Variants in GULP1 observed in about 807,000 individuals in gnomAD.
The protein encoded by GULP1 is PTB domain-containing engulfment adapter protein 1.
A neutral mutation model predicts 40.9 loss-of-function variants in GULP1; 19 were observed. That is an observed-to-expected ratio of 0.46 (90% CI 0.32 to 0.68). The LOEUF (loss-of-function observed/expected upper bound fraction) is 0.68, where lower values mean the gene tolerates loss of function less well. GULP1 is among the 30% of genes least tolerant of loss of function. GULP1 has a pLI of 0.03. For missense variants in GULP1, 312 were observed against 362.2 expected, an observed-to-expected ratio of 0.86 and a Z score of 1.12; for synonymous variants, 119 against 117.6, an observed-to-expected ratio of 1.01 and a Z score of -0.08.
chr2:188,293,316 A>C (rs1184700337), intron 1 of GULP1: 1 of 152,224 alleles, frequency 6.6e-6, no homozygotes, highest in Non-Finnish European at 1.5e-5. Flanking sequence ...AGTGTAATGC[A>C]GTCAATTAGG....
chr2:188,438,082 A>T (rs1375532375), intron 2 of GULP1, among the ~76,000 whole-genome samples: 1 of 152,146 alleles, frequency 6.6e-6, no homozygotes, highest in Non-Finnish European at 1.5e-5. Flanking sequence ...TAAAAGTTTA[A>T]AAACATTAAA....
intron 1 of GULP1, among the ~76,000 whole-genome samples, chr2:188,380,368 G>T (rs1442566701): frequency 6.6e-6 from 1 of 152,140 alleles, no homozygotes; most frequent in Non-Finnish European, 1.5e-5. Flanking sequence ...GGCTAGGGAT[G>T]GATAGGTGGG....
At chr2:188,544,290 A>G (rs1340166945) in intron 7 of GULP1, among the ~76,000 whole-genome samples, 2 of 152,160 alleles carry the variant, frequency 1.3e-5, no homozygotes, top group African/African-American at 2.4e-5. Flanking sequence ...ATTATAGGAC[A>G]AAGGTTTTAG....
intron 6 of GULP1, among the ~76,000 whole-genome samples, chr2:188,537,257 T>G (rs1479658859): frequency 6.6e-6 from 1 of 152,088 alleles, no homozygotes; most frequent in African/African-American, 2.4e-5. Flanking sequence ...CATCCTTGTC[T>G]TGTTCCAGTT....
chr2:188,415,263 G>A (rs1358059188), intron 2 of GULP1, among the ~76,000 whole-genome samples: 1 of 152,106 alleles, frequency 6.6e-6, no homozygotes, highest in East Asian at 1.9e-4. Context: ...TAGAAAAAAA[G>A]ATTATAGAAT....
chr2:188,524,597 T>G (rs989752999), intron 5 of GULP1, among the ~76,000 whole-genome samples: 5 of 141,104 alleles, frequency 3.5e-5, no homozygotes, highest in Non-Finnish European at 7.9e-5. Context: ...TATTTTTATA[T>G]ATATATATTT....
rs180788874 is a variant in GULP1, at chr2:188,488,436, T to A, written c.90+4944T>A. Among the ~76,000 whole-genome samples the A allele has an allele frequency of 9.3e-4, 142 of 152,234 alleles. 1 individual carries two copies. Among genetic ancestry groups the A allele is most frequent in the Middle Eastern group, 3.4e-3 (1 of 294 alleles). ...ATTTAAGTGAGTTAATATATTTTTT[T>A]AAAACTTAGATCAGTGTTTGGTATG... On this transcript the variant is annotated intron_variant, in intron 4 of 11. Transcript: ENST00000409830.
chr2:188,383,340 A>G (rs2049251045), intron 1 of GULP1, among the ~76,000 whole-genome samples: 1 of 152,234 alleles, frequency 6.6e-6, no homozygotes, highest in Non-Finnish European at 1.5e-5. Flanking sequence ...AATGAAAATG[A>G]AAGTAAATCA....
intron 4 of GULP1, among the ~76,000 whole-genome samples, chr2:188,519,875 C>T (rs887741721): frequency 2.0e-5 from 3 of 152,018 alleles, no homozygotes; most frequent in African/African-American, 7.3e-5. Flanking sequence ...AACTCCTGAG[C>T]TCAGGCAGAT....
intron 1 of GULP1, chr2:188,297,576 C>T (rs969788012): frequency 1.2e-5 from 5 of 428,066 alleles, no homozygotes; most frequent in Non-Finnish European, 1.9e-5. Context: ...CTTGAAGTTC[C>T]TGGGGGAACC....
At chr2:188,473,032 C>A (rs1405391112) in intron 2 of GULP1, among the ~76,000 whole-genome samples, 1 of 152,340 alleles carries the variant, frequency 6.6e-6, no homozygotes, top group East Asian at 1.9e-4. Context: ...TTCTTAGAGA[C>A]TCATAGAGAT....
rs114857436 is a variant in GULP1, at chr2:188,514,105, C to T, written c.91-8651C>T. 3.4e-3 allele frequency among the ~76,000 whole-genome samples: 462 copies of T among 135,634 alleles called. 3 individuals carry two copies. Among genetic ancestry groups the T allele is most frequent in the African/African-American group, 0.012 (440 of 37,950 alleles). 89.0% of individuals were successfully genotyped at this position (135,634 alleles called of 152,430 possible). ...TGTGCGCCCTGCCACTGGGTGGCGTCCTGTCTAGGGCTGTTTCCAGCTTTG... is the reference window on the plus strand; with the variant it reads ...TGTGCGCCCTGCCACTGGGTGGCGTTCTGTCTAGGGCTGTTTCCAGCTTTG... On this transcript the variant is annotated intron_variant, in intron 4 of 11. Transcript: ENST00000409830.
intron 2 of GULP1, among the ~76,000 whole-genome samples, chr2:188,419,366 T>C (rs2055048125): frequency 6.6e-6 from 1 of 152,194 alleles, no homozygotes; most frequent in African/African-American, 2.4e-5. Context: ...CAATACCTGT[T>C]GCCTTTTGTC....
intron 1 of GULP1, among the ~76,000 whole-genome samples, chr2:188,363,641 G>A (rs2046371777): frequency 6.6e-6 from 1 of 152,092 alleles, no homozygotes. Context: ...GAAGACGAAG[G>A]TATACATTTT....
intron 4 of GULP1, among the ~76,000 whole-genome samples, chr2:188,488,856 C>G (rs538911959): frequency 5.3e-5 from 8 of 151,874 alleles, no homozygotes; most frequent in African/African-American, 1.9e-4. Flanking sequence ...AAAGATTGTC[C>G]TGGTCTTAAA....
At chr2:188,358,053 C>T (rs1487337524) in intron 1 of GULP1, among the ~76,000 whole-genome samples, 4 of 151,980 alleles carry the variant, frequency 2.6e-5, no homozygotes, top group Admixed American at 2.0e-4. Context: ...TGGTGGCACA[C>T]GCCTGTAGTC....
intron 1 of GULP1, among the ~76,000 whole-genome samples, chr2:188,324,240 G>C (rs1337145368): frequency 2.0e-5 from 3 of 152,040 alleles, no homozygotes. Flanking sequence ...CACTCTTCTT[G>C]TGTTTACTTA....
intron 10 of GULP1, 92 bp from the exon 11 acceptor site, chr2:188,587,763 A>G: frequency 1.4e-6 from 1 of 721,114 alleles, no homozygotes; most frequent in Non-Finnish European, 2.4e-6. Flanking sequence ...TGATCATGTA[A>G]ATATTCATTT....
At chr2:188,561,466 T>C (rs747886450) in intron 7 of GULP1, among the ~76,000 whole-genome samples, 15 of 152,094 alleles carry the variant, frequency 9.9e-5, no homozygotes, top group Non-Finnish European at 2.1e-4. Context: ...CCAGTTAAGG[T>C]AATAGCAGCC....
Sources: gnomAD v4.1 joint callset for allele counts (sites outside exome capture counted in the v4.1 genomes callset) on GRCh38, gnomAD v4.1.1 for gene constraint, MANE v1.5 for transcripts, NCBI Gene and HGNC (gene_info 2026-07-23, HGNC 2026-07-21) for gene names.